ADCY2: variants seen among roughly 807,000 people sequenced by gnomAD.
ADCY2 encodes the protein adenylate cyclase type 2.
In ADCY2, 31 loss-of-function variants were observed where a neutral mutation model predicts 125.2. The ratio of observed to expected loss-of-function variants is 0.25; its 90% CI spans 0.19 to 0.33. ADCY2 has a LOEUF of 0.33. Ranked by LOEUF, ADCY2 falls within the 10% of genes least tolerant of loss-of-function variation. The pLI is 1.00. For missense variants in ADCY2, 904 were observed against 1,418.2 expected, an observed-to-expected ratio of 0.64 and a Z score of 5.82; for synonymous variants, 512 against 548.4, an observed-to-expected ratio of 0.93 and a Z score of 0.93.
chr5:7,711,995 T>G (rs1741455648), intron 10 of ADCY2, among the ~76,000 whole-genome samples: 1 of 152,176 alleles, frequency 6.6e-6, no homozygotes, highest in African/African-American at 2.4e-5. Context: ...TTCCTTTATC[T>G]AATCCCCTAT....
At chr5:7,662,212 G>A (rs1263322871) in intron 4 of ADCY2, among the ~76,000 whole-genome samples, 2 of 152,146 alleles carry the variant, frequency 1.3e-5, no homozygotes, top group African/African-American at 4.8e-5. Flanking sequence ...GACAATACTG[G>A]GGTCTAAAGG....
chr5:7,765,196 T>A (rs1579408968), intron 16 of ADCY2, among the ~76,000 whole-genome samples: 1 of 152,196 alleles, frequency 6.6e-6, no homozygotes, highest in East Asian at 1.9e-4. Flanking sequence ...GAAGTTTTTG[T>A]TAATTATTTT....
chr5:7,643,034 TA>T (rs1329104259), intron 4 of ADCY2, among the ~76,000 whole-genome samples: 1 of 152,006 alleles, frequency 6.6e-6, no homozygotes, highest in African/African-American at 2.4e-5. Flanking sequence ...GAATTTTTTT[TA>T]TTTTTTTAAA....
intron 14 of ADCY2, among the ~76,000 whole-genome samples, chr5:7,742,267 G>T (rs904863970): frequency 6.6e-6 from 1 of 152,076 alleles, no homozygotes; most frequent in Admixed American, 6.6e-5. Context: ...TCTGAGATGT[G>T]GGCTGGCACT....
chr5:7,756,791 AC>A (rs1743005652), intron 15 of ADCY2, among the ~76,000 whole-genome samples: 1 of 152,220 alleles, frequency 6.6e-6, no homozygotes, highest in Admixed American at 6.5e-5. Flanking sequence ...ACTGAACTGT[AC>A]ACTTGAAAAT....
At chr5:7,696,222 G>C (rs754740768) in intron 6 of ADCY2, among the ~76,000 whole-genome samples, 2 of 152,246 alleles carry the variant, frequency 1.3e-5, no homozygotes, top group South Asian at 2.1e-4. Flanking sequence ...GGATCTGGTA[G>C]GATCATTTCC....
intron 3 of ADCY2, among the ~76,000 whole-genome samples, chr5:7,601,552 G>C (rs1442362736): frequency 6.6e-6 from 1 of 152,178 alleles, no homozygotes; most frequent in African/African-American, 2.4e-5. Context: ...CAAGAGGCAA[G>C]CTCAGTTTGC....
chr5:7,799,378 C>G (rs908953978), intron 20 of ADCY2: 24 of 152,436 alleles, frequency 1.6e-4, no homozygotes, highest in African/African-American at 5.5e-4. Context: ...CCAAGTTTCA[C>G]AGGCTCCAGA....
chr5:7,641,825 C>A (rs1370172212), intron 4 of ADCY2, among the ~76,000 whole-genome samples: 1 of 150,876 alleles, frequency 6.6e-6, no homozygotes, highest in Non-Finnish European at 1.5e-5. Flanking sequence ...TGGCCTCTAG[C>A]TGCATCCATG....
intron 4 of ADCY2, among the ~76,000 whole-genome samples, chr5:7,637,153 G>A (rs1738536260): frequency 6.6e-6 from 1 of 152,082 alleles, no homozygotes; most frequent in Non-Finnish European, 1.5e-5. Context: ...ATGGGTACAA[G>A]GGTTGGTTGA....
chr5:7,664,561 G>C (rs937834378), intron 4 of ADCY2, among the ~76,000 whole-genome samples: 7 of 152,074 alleles, frequency 4.6e-5, no homozygotes, highest in Admixed American at 3.9e-4. Flanking sequence ...TCATCACATG[G>C]GTTTTCTGTG....
intron 9 of ADCY2, among the ~76,000 whole-genome samples, chr5:7,708,850 G>T (rs1384527267): frequency 6.6e-6 from 1 of 152,054 alleles, no homozygotes; most frequent in African/African-American, 2.4e-5. Flanking sequence ...CACGATGTTT[G>T]GGGCTATGTA....
intron 2 of ADCY2, among the ~76,000 whole-genome samples, chr5:7,512,178 A>G (rs6555471): frequency 0.65 from 92,045 of 141,014 alleles, 30,227 homozygotes; most frequent in African/African-American, 0.67. Context: ...CGAAGATCAC[A>G]CCATCACACT....
Position 7,713,639 on chromosome 5 carries a change from C to T in ADCY2, c.1622+740C>T, listed in dbSNP as rs1024867075. Among the ~76,000 whole-genome samples the T allele has an allele frequency of 2.6e-5, 4 of 152,152 alleles. No homozygotes were observed. The East Asian group carries it at 7.7e-4, about 29-fold the overall frequency. ...GAGAAAAGTTTCCCACAAATGTCTC[C>T]ACACGCCCTGTCGCAGCCACCGTAA... is the stretch of plus-strand genomic sequence containing the variant. On this transcript the variant is annotated intron_variant, in intron 11 of 24. Transcript: ENST00000338316.
At chr5:7,567,327 G>C (rs1243395324) in intron 3 of ADCY2, among the ~76,000 whole-genome samples, 1 of 151,962 alleles carries the variant, frequency 6.6e-6, no homozygotes, top group Non-Finnish European at 1.5e-5. Flanking sequence ...GTTGATCCAA[G>C]CACAATAAAC....
intron 15 of ADCY2, 125 bp from the exon 16 acceptor site, chr5:7,757,324 A>G: frequency 3.2e-6 from 4 of 1,240,834 alleles, no homozygotes; most frequent in Non-Finnish European, 3.4e-6. Context: ...AGGGGAGGAT[A>G]GAATCTACAT....
chr5:7,646,702 G>A (rs1055719789), intron 4 of ADCY2, among the ~76,000 whole-genome samples: 2 of 152,144 alleles, frequency 1.3e-5, no homozygotes, highest in African/African-American at 2.4e-5. Context: ...GAAGCACATC[G>A]TACAGCTCAG....
intron 2 of ADCY2, among the ~76,000 whole-genome samples, chr5:7,487,274 G>A (rs1436163926): frequency 6.6e-6 from 1 of 152,086 alleles, no homozygotes; most frequent in Non-Finnish European, 1.5e-5. Flanking sequence ...GTCATGCTAT[G>A]GGTCATACCC....
intron 3 of ADCY2, among the ~76,000 whole-genome samples, chr5:7,575,975 G>C (rs1405912922): frequency 6.6e-6 from 1 of 152,144 alleles, no homozygotes; most frequent in Non-Finnish European, 1.5e-5. Context: ...TTGGCAACTG[G>C]AGATACTTCT....
Sources: allele counts gnomAD v4.1 joint callset (sites outside exome capture counted in the v4.1 genomes callset), GRCh38; gene constraint gnomAD v4.1.1; transcripts MANE v1.5; gene names NCBI Gene and HGNC (gene_info 2026-07-23, HGNC 2026-07-21).